The following SH2D3A variants were observed in gnomAD, a reference collection of about 807,000 sequenced individuals.
SH2D3A encodes the protein SH2 domain containing 3A.
SH2D3A carries 46 observed loss-of-function variants against 50.6 expected under a neutral mutation model. That is an observed-to-expected ratio of 0.91 (90% CI 0.72 to 1.16). The LOEUF (loss-of-function observed/expected upper bound fraction) is 1.16. Ranked by LOEUF, SH2D3A falls within the 50% of genes most tolerant of loss-of-function variation. SH2D3A has a pLI of 0.00. For missense variants in SH2D3A, 783 were observed against 786.2 expected, an observed-to-expected ratio of 1.00 and a Z score of 0.05; for synonymous variants, 377 against 348.4, an observed-to-expected ratio of 1.08 and a Z score of -0.91.
intron 3 of SH2D3A, 24 bp from the exon 4 acceptor site, chr19:6,759,694 C>G (rs764120263): frequency 1.2e-6 from 2 of 1,610,466 alleles, no homozygotes; most frequent in East Asian, 2.2e-5. Context: ...GTGGGAGAAA[C>G]CTGTAGTCCC....
At chr19:6,763,392 CAGGAGGTAGAT>C (rs1970132749) in intron 2 of SH2D3A, among the ~76,000 whole-genome samples, 1 of 152,074 alleles carries the variant, frequency 6.6e-6, no homozygotes, top group African/African-American at 2.4e-5. Context: ...AGGGAAATAC[CAGGAGGTAGAT>C]GGAGTTCAGA....
At position 6,760,650 on chromosome 19, in the gene SH2D3A, A is replaced by T; in HGVS notation, c.407T>A (p.Ile136Lys). 6.3e-7 allele frequency: 1 copy of T among 1,580,570 alleles called. No homozygotes were observed. The highest frequency in any genetic ancestry group is 8.6e-7 in the Non-Finnish European group (1 of 1,159,732). Residue 136 changes from isoleucine to lysine, a missense_variant, in exon 3 of 10, where the codon ATA (isoleucine) becomes AAA (lysine). Ile to Lys is a moderately radical substitution (Grantham distance 102, BLOSUM62 -3). Coordinates refer to ENST00000245908, the MANE Select transcript of SH2D3A (RefSeq NM_005490.3). Reference sequence around the variant, plus strand: ...AGACTGTGAGTACCTGAGAGGCTCTATCCGAGCTGGGCCATCCATCAGGGT... The same window carrying T: ...AGACTGTGAGTACCTGAGAGGCTCTTTCCGAGCTGGGCCATCCATCAGGGT... ...EDTLMDGPAR[I>K]EPLRARKWSN...
chr19:6,759,721 C>A, intron 3 of SH2D3A, 51 bp from the exon 4 acceptor site: 1 of 1,565,284 alleles, frequency 6.4e-7, no homozygotes, highest in Non-Finnish European at 8.8e-7. Flanking sequence ...AGCAGTGTCC[C>A]CCACCAATAT....
Position 6,752,605 on chromosome 19 carries a change from C to T in SH2D3A, c.1719G>A (p.Glu573=). The T allele has an allele frequency of 6.4e-7, 1 of 1,557,618 alleles. No homozygotes were observed. Among genetic ancestry groups the T allele is most frequent in the South Asian group, 1.2e-5 (1 of 85,070 alleles). ...RVLGVLSQRL[E]PDR is the part of the protein sequence containing the mutation. ...GGTGTCTGCGCTCTCAGCGGTCAGG[C>T]TCCAGGCGCTGCGACAGGACGCCGA... The change falls in exon 10 of 10, where the codon GAG becomes GAA. Residue 573 remains glutamate, a synonymous_variant. Transcript: ENST00000245908.
At chr19:6,757,303 TTTC>T (rs1159208097) in intron 4 of SH2D3A, 10 of 148,970 alleles carry the variant, frequency 6.7e-5, no homozygotes, top group African/African-American at 1.3e-4. Context: ...AGCCCTTTCT[TTTC>T]TTCTTCTTTT....
In SH2D3A at chr19:6,762,101, A is replaced by G. The variant is rs1485962812; in HGVS notation, c.70-1114T>C. Among the ~76,000 whole-genome samples, 5 of 152,100 alleles carry G rather than the reference A, an allele frequency of 3.3e-5. No homozygotes were observed. The East Asian group carries it at 5.8e-4, about 18-fold the overall frequency. On this transcript the variant is annotated intron_variant, in intron 2 of 9. Coordinates refer to ENST00000245908, the MANE Select transcript of SH2D3A (RefSeq NM_005490.3). ...CAGACACACGTGTGTAGCCCTTACTATATGTCAAGCACTGCTTTAAATGTA... is the reference window on the plus strand; with the variant it reads ...CAGACACACGTGTGTAGCCCTTACTGTATGTCAAGCACTGCTTTAAATGTA...
chr19:6,766,846 C>T (rs1012890019), intron 1 of SH2D3A, among the ~76,000 whole-genome samples: 1 of 152,164 alleles, frequency 6.6e-6, no homozygotes, highest in African/African-American at 2.4e-5. Context: ...TATAAAGTGA[C>T]ATTGGAACTG....
At position 6,752,390 on chromosome 19, in the gene SH2D3A, T is replaced by G. The variant is rs1482524869; in HGVS notation, c.*203A>C. On this transcript the variant is annotated 3_prime_UTR_variant, in exon 10 of 10. Transcript: ENST00000245908. The stretch of plus-strand genomic sequence containing the variant: ...CGGCTTTTAAGAGGTGGAGTCACAT[T>G]TGAACTCTGGCCTCTGATGCCAGAT... 3 of 426,948 alleles carry G rather than the reference T, an allele frequency of 7.0e-6. No homozygotes were observed. Among genetic ancestry groups the G allele is most frequent in the African/African-American group, 4.0e-5 (2 of 49,400 alleles). 26.4% of individuals were successfully genotyped at this position (426,948 alleles called of 1,614,324 possible). A position where few individuals can be genotyped will look rare whatever the true frequency, so the allele number is the denominator to read the frequency against.
chr19:6,756,848 C>T (rs1489822996), intron 4 of SH2D3A, among the ~76,000 whole-genome samples: 1 of 152,004 alleles, frequency 6.6e-6, no homozygotes, highest in African/African-American at 2.4e-5. Flanking sequence ...CCCTCCTTCC[C>T]TCCCTCCCTT....
intron 9 of SH2D3A, 150 bp downstream of exon 9, chr19:6,753,306 C>T: frequency 7.2e-7 from 1 of 1,384,914 alleles, no homozygotes; most frequent in South Asian, 1.7e-5. Context: ...GGGGTGAGAA[C>T]CTTCCTGGAG....
chr19:6,757,261 T>G (rs1163335325), intron 4 of SH2D3A: 1 of 151,876 alleles, frequency 6.6e-6, no homozygotes, highest in African/African-American at 2.4e-5. Flanking sequence ...TTTTTTTTTT[T>G]TTTTTTAAGA....
chr19:6,764,872 ATTTTTTTTT>A (rs55670461), intron 1 of SH2D3A, among the ~76,000 whole-genome samples: 1 of 103,128 alleles, frequency 9.7e-6, no homozygotes, highest in African/African-American at 4.3e-5. Flanking sequence ...TACCTGGCTA[ATTTTTTTTT>A]TTTTTTTTTT....
At chr19:6,753,929 CG>C in intron 8 of SH2D3A, 122 bp downstream of exon 8, 1 of 1,214,874 alleles carries the variant, frequency 8.2e-7, no homozygotes. Context: ...ATGTGGAGGG[CG>C]GGGCCTATGG....
intron 1 of SH2D3A, among the ~76,000 whole-genome samples, chr19:6,765,073 G>T (rs1015616328): frequency 6.6e-6 from 1 of 151,722 alleles, no homozygotes; most frequent in Non-Finnish European, 1.5e-5. Flanking sequence ...TAGAGATGGG[G>T]TTTCTCCATG....
rs772727234 is a variant in SH2D3A at position 6,753,477 on chromosome 19, C to A, written c.1549G>T (p.Val517Leu). The A allele has an allele frequency of 6.6e-7, 1 of 1,524,284 alleles. No homozygotes were observed. The highest frequency in any genetic ancestry group is 1.2e-5 in the South Asian group (1 of 82,126). 94.4% of individuals were successfully genotyped at this position (1,524,284 alleles called of 1,614,324 possible). Residue 517 changes from valine (V) to leucine (L), a missense_variant, in exon 9 of 10, where the codon GTG becomes TTG. Val to Leu is a conservative substitution (Grantham distance 32, BLOSUM62 1). Coordinates refer to ENST00000245908, the MANE Select transcript of SH2D3A (RefSeq NM_005490.3). ...TCACCTCGCAGGCGCTGGGCTGCCA[C>A]CTTGCGGAATTTGGGTGCGTCCCGG... is the stretch of plus-strand genomic sequence containing the variant. ...MVRDAPKFRK[V>L]AAQRLRGFRP...
Position 6,752,453 on chromosome 19 carries a change from G to C in SH2D3A, c.*140C>G. On this transcript the variant is annotated 3_prime_UTR_variant, in exon 10 of 10. Transcript: ENST00000245908. The stretch of plus-strand genomic sequence containing the variant: ...TGTTCACCATGGTCCAGGTGACCCT[G>C]ACTGCGGTCCCCACCTCTTCTGTGA... The C allele has an allele frequency of 1.4e-6, 1 of 716,434 alleles. No individual in the cohort carries two copies. 44.4% of individuals were successfully genotyped at this position (716,434 alleles called of 1,614,324 possible).
intron 4 of SH2D3A, 146 bp downstream of exon 4, chr19:6,759,448 T>G (rs538758309): frequency 1.4e-6 from 1 of 722,130 alleles, no homozygotes; most frequent in African/African-American, 1.8e-5. Flanking sequence ...ACAAAGTCCC[T>G]GCATGTTTTA....
In SH2D3A at chr19:6,754,940, C is replaced by T. The variant is rs781722943; in HGVS notation, c.872G>A (p.Gly291Asp). The change falls in exon 5 of 10, where the codon GGC (glycine) becomes GAC (aspartate). Residue 291 changes from glycine to aspartate, a missense_variant. Coordinates refer to ENST00000245908, the MANE Select transcript of SH2D3A (RefSeq NM_005490.3). ...GGGTTCCAGGGGCCGATTCTGGGGG[C>T]CCAGCAGGCAGGAGGGGGCATCATG... ...CPHDAPSCLL[G>D]PQNRPLEPQV... 2.5e-6 allele frequency: 4 copies of T among 1,613,430 alleles called. No individual in the cohort carries two copies. In the African/African-American group the frequency reaches 4.0e-5, roughly 16 times the overall value.
Position 6,754,319 on chromosome 19 carries a change from G to T in SH2D3A, c.1204C>A (p.Leu402Met). 6.4e-7 allele frequency: 1 copy of T among 1,569,154 alleles called. No homozygotes were observed. ...LRGLVELALA[L>M]RPGAAGDLPG... ...AGGTCCCCCGCCGCCCCTGGCCGCA[G>T]CGCCAGCGCCAGCTCTACCAGTCCC... Residue 402 changes from leucine (L) to methionine (M), a missense_variant, in exon 7 of 10, where the codon CTG becomes ATG. By Grantham distance (15) the Leu-to-Met change is conservative. Coordinates refer to ENST00000245908, the MANE Select transcript of SH2D3A (RefSeq NM_005490.3).
Sources: allele counts gnomAD v4.1 joint callset (sites outside exome capture counted in the v4.1 genomes callset), GRCh38; gene constraint gnomAD v4.1.1; transcripts MANE v1.5; gene names NCBI Gene and HGNC (gene_info 2026-07-23, HGNC 2026-07-21).